Variants in C10orf53 observed in about 807,000 individuals in gnomAD.
C10orf53 encodes the protein UPF0728 protein C10orf53.
In C10orf53, 8 loss-of-function variants were observed where a neutral mutation model predicts 9.4. That is an observed-to-expected ratio of 0.85 (90% CI 0.50 to 1.53). C10orf53 has a LOEUF of 1.53. C10orf53 is among the 40% of genes most tolerant of loss of function. C10orf53 has a pLI of 0.00. For missense variants in C10orf53, 117 were observed against 117.8 expected (o/e 0.99, Z 0.03); for synonymous variants, 48 against 46.0 (o/e 1.04, Z -0.18).
chr10:49,689,015 G>A (rs1840556589), intron 1 of C10orf53, among the ~76,000 whole-genome samples: 1 of 152,188 alleles, frequency 6.6e-6, no homozygotes, highest in African/African-American at 2.4e-5. Flanking sequence ...GGAAGGGGCA[G>A]GAGTTCTTTT....
intron 1 of C10orf53, among the ~76,000 whole-genome samples, chr10:49,693,276 T>C (rs1840601945): frequency 6.6e-6 from 1 of 152,224 alleles, no homozygotes; most frequent in African/African-American, 2.4e-5. Context: ...GTTGCAAAAA[T>C]CTGCCTGTAT....
At position 49,693,766 on chromosome 10, in the gene C10orf53, C is replaced by T. The variant is rs1161709338; in HGVS notation, c.98-8C>T. 6.2e-7 allele frequency: 1 copy of T among 1,612,512 alleles called. No homozygotes were observed. Among genetic ancestry groups the T allele is most frequent in the Non-Finnish European group, 8.5e-7 (1 of 1,178,952 alleles). On this transcript the variant is annotated splice_region_variant and splice_polypyrimidine_tract_variant and intron_variant, in intron 1 of 2. Coordinates refer to ENST00000374111, the MANE Select transcript of C10orf53 (RefSeq NM_001042427.3). The stretch of plus-strand genomic sequence containing the variant: ...CATGTCACTCACCTCCTTTTCTTTC[C>T]TTCCCAGCTGTGTTGGCCATAGATG...
chr10:49,694,692 T>C lies in C10orf53; in HGVS notation c.*90T>C. 8.1e-6 allele frequency: 13 copies of C among 1,599,716 alleles called. No homozygotes were observed. Among genetic ancestry groups the C allele is most frequent in the Non-Finnish European group, 1.1e-5 (13 of 1,172,570 alleles). On this transcript the variant is annotated 3_prime_UTR_variant, in exon 3 of 3. Coordinates refer to ENST00000374111, the MANE Select transcript of C10orf53 (RefSeq NM_001042427.3). ...AGGCAGAAGTGGCTGTGCCACGGTG[T>C]GGACACTGGGCTCTGCTAGTCAGAA...
chr10:49,685,131 T>TAC (rs376445705), intron 1 of C10orf53, among the ~76,000 whole-genome samples: 2 of 151,742 alleles, frequency 1.3e-5, no homozygotes, highest in African/African-American at 4.8e-5. Flanking sequence ...AACACACACA[T>TAC]ACACACACAC....
At position 49,708,168 on chromosome 10, in the gene C10orf53, TAA is replaced by T. The variant is rs377515824; in HGVS notation, c.218-192_218-191del. Among the ~76,000 whole-genome samples the T allele has an allele frequency of 2.7e-3, 404 of 152,304 alleles. 6 individuals are homozygous for T. The highest frequency in any genetic ancestry group is 9.1e-3 in the African/African-American group (380 of 41,574). ...ATGCTAGATCCCAAATCTCAATGGT[TAA>T]GTCAGGAAATGTTCATCTTCAAGCA... is the stretch of plus-strand genomic sequence containing the variant. On this transcript the variant is annotated intron_variant, in intron 2 of 2. Transcript: ENST00000374112.
At chr10:49,698,981 C>T (rs1236840824), downstream of C10orf53, among the ~76,000 whole-genome samples, 1 of 152,080 alleles carries the variant, frequency 6.6e-6, no homozygotes, top group Non-Finnish European at 1.5e-5. Context: ...AGTGATGTTG[C>T]TGTGCAGGGT....
chr10:49,681,872 T>C (rs1194251287), intron 1 of C10orf53, among the ~76,000 whole-genome samples: 1 of 152,156 alleles, frequency 6.6e-6, no homozygotes, highest in African/African-American at 2.4e-5. Context: ...TGTAGTCACA[T>C]TGGGAGTTAG....
chr10:49,699,938 A>G (rs1426448762), downstream of C10orf53, among the ~76,000 whole-genome samples: 3 of 152,064 alleles, frequency 2.0e-5, no homozygotes, highest in African/African-American at 4.8e-5. Flanking sequence ...CCTCCAGGCA[A>G]GATGTGAGCC....
intron 1 of C10orf53, among the ~76,000 whole-genome samples, chr10:49,685,488 C>G (rs1320725092): frequency 6.6e-6 from 1 of 152,098 alleles, no homozygotes; most frequent in African/African-American, 2.4e-5. Context: ...CTTAAGTTCA[C>G]TGTGAGTTGA....
In C10orf53 at chr10:49,708,507, C is replaced by T; in HGVS notation, c.364C>T (p.Gln122Ter). The change falls in exon 3 of 3, where the codon CAG (glutamine) becomes TAG (stop). Residue 122 changes from glutamine (Q) to a stop codon, truncating the protein, a stop_gained. Coordinates refer to the C10orf53 transcript ENST00000374112. LOFTEE classifies it low-confidence loss of function (END_TRUNC). ...GGACCTGACTTGTACTGTATTGGCC[C>T]AGATTGGATCATGTATCCATTTCCA... 1 of 1,614,196 alleles carries T rather than the reference C, an allele frequency of 6.2e-7. No individual in the cohort carries two copies. Among genetic ancestry groups the T allele is most frequent in the Non-Finnish European group, 8.5e-7 (1 of 1,180,042 alleles).
intron 2 of C10orf53, among the ~76,000 whole-genome samples, chr10:49,707,021 T>G (rs1394841683): frequency 1.3e-5 from 2 of 152,206 alleles, no homozygotes; most frequent in Admixed American, 1.3e-4. Flanking sequence ...GTTGTTTGAT[T>G]TTTTTACAAT....
intron 1 of C10orf53, among the ~76,000 whole-genome samples, chr10:49,681,230 A>G (rs927936905): frequency 1.3e-5 from 2 of 152,206 alleles, no homozygotes; most frequent in African/African-American, 4.8e-5. Flanking sequence ...AGTTCAGAGA[A>G]AAAGTCTGAA....
intron 2 of C10orf53, chr10:49,694,265 G>A: frequency 1.7e-6 from 1 of 588,216 alleles, no homozygotes; most frequent in Non-Finnish European, 3.0e-6. Flanking sequence ...ATCTAGACTT[G>A]CTAAGACACT....
chr10:49,692,909 T>A (rs1284726252), intron 1 of C10orf53, among the ~76,000 whole-genome samples: 1 of 152,202 alleles, frequency 6.6e-6, no homozygotes, highest in Non-Finnish European at 1.5e-5. Context: ...TAAAAAACTT[T>A]TTTTCAGATT....
At chr10:49,704,539 G>C (rs1019184225) in intron 2 of C10orf53, among the ~76,000 whole-genome samples, 1 of 152,142 alleles carries the variant, frequency 6.6e-6, no homozygotes, top group Non-Finnish European at 1.5e-5. Flanking sequence ...TCAGGAGTTT[G>C]AGACCAGCCT....
downstream of C10orf53, among the ~76,000 whole-genome samples, chr10:49,698,437 T>A (rs141009758): frequency 2.9e-4 from 44 of 152,288 alleles, no homozygotes; most frequent in East Asian, 8.1e-3. Context: ...GAGGGAGGAC[T>A]GGACACATGT....
At chr10:49,693,401 T>G (rs1430231318) in intron 1 of C10orf53, among the ~76,000 whole-genome samples, 1 of 152,212 alleles carries the variant, frequency 6.6e-6, no homozygotes. Flanking sequence ...GTGTTCAATT[T>G]GTACTTTCAT....
chr10:49,683,221 G>A (rs1051434512), intron 1 of C10orf53, among the ~76,000 whole-genome samples: 2 of 152,214 alleles, frequency 1.3e-5, no homozygotes, highest in South Asian at 2.1e-4. Context: ...TACAGCCATC[G>A]CAGTAGGTGT....
At chr10:49,688,058 A>G (rs1840545178) in intron 1 of C10orf53, among the ~76,000 whole-genome samples, 1 of 152,186 alleles carries the variant, frequency 6.6e-6, no homozygotes, top group Admixed American at 6.5e-5. Flanking sequence ...TGACATTTAT[A>G]TGCGATGAAC....
Sources: gnomAD v4.1 joint callset for allele counts (sites outside exome capture counted in the v4.1 genomes callset) on GRCh38, gnomAD v4.1.1 for gene constraint, MANE v1.5 for transcripts, NCBI Gene and HGNC (gene_info 2026-07-23, HGNC 2026-07-21) for gene names.